CRAMP1: variants seen among roughly 807,000 people sequenced by gnomAD.
CRAMP1 encodes protein cramped-like.
CRAMP1 carries 50 observed loss-of-function variants against 115.4 expected under a neutral mutation model. The ratio of observed to expected loss-of-function variants is 0.43; its 90% CI spans 0.35 to 0.55. CRAMP1 has a LOEUF of 0.55. Ranked by LOEUF, CRAMP1 falls within the 20% of genes least tolerant of loss-of-function variation. The pLI is 0.01. For synonymous variants in CRAMP1, 866 were observed against 745.4 expected (o/e 1.16, Z -2.64); for missense variants, 1,679 against 1,721.7 (o/e 0.98, Z 0.44).
chr16:1,669,166 G>T lies in CRAMP1; in HGVS notation c.3499+1G>T, dbSNP rs2036901407. 6.3e-7 allele frequency: 1 copy of T among 1,596,714 alleles called. No homozygotes were observed. The highest frequency in any genetic ancestry group is 8.5e-7 in the Non-Finnish European group (1 of 1,170,946). On this transcript the variant is annotated splice_donor_variant, in intron 19 of 20. Transcript: ENST00000397412. LOFTEE classifies it high-confidence loss of function. The surrounding 1 kb of genome is among the most constrained non-coding windows in gnomAD (Gnocchi z 4.6). Reference sequence around the variant, plus strand: ...GACTCCTCGCTCAGCAGCCTGTTTGGTGAGTGTATGGGGAGGGCTCCCATC... The same window carrying T: ...GACTCCTCGCTCAGCAGCCTGTTTGTTGAGTGTATGGGGAGGGCTCCCATC...
At chr16:1,651,664 C>A (rs2036724480) in intron 6 of CRAMP1, among the ~76,000 whole-genome samples, 1 of 139,694 alleles carries the variant, frequency 7.2e-6, no homozygotes, top group African/African-American at 2.7e-5. Context: ...ACAGAGGTAA[C>A]CTAGAGGTGG....
chr16:1,656,335 C>G lies in CRAMP1; in HGVS notation c.1578C>G (p.Thr526=), dbSNP rs948995216. The G allele has an allele frequency of 2.5e-6, 4 of 1,609,748 alleles. No homozygotes were observed. The highest frequency in any genetic ancestry group is 2.7e-5 in the African/African-American group (2 of 74,848). Residue 526 remains threonine (T), a synonymous_variant, in exon 10 of 21, where the codon ACC becomes ACG. Transcript: ENST00000397412. This position sits in a 1 kb window ranked among gnomAD's most constrained non-coding sequence, Gnocchi z 5.6. The part of the protein sequence containing the change: ...HQDTGPCLEK[T]PAEGRDSPTR... ...ACACTGGGCCATGTCTTGAGAAGAC[C>G]CCTGCAGAAGGCAGGGACAGTCCCA...
rs965095609 is a variant in CRAMP1 at position 1,674,121 on chromosome 16, G to T, written c.*76G>T. 1.4e-6 allele frequency: 2 copies of T among 1,447,504 alleles called. No individual in the cohort carries two copies. The highest frequency in any genetic ancestry group is 2.8e-5 in the African/African-American group (2 of 71,022). The allele number at this position is 1,447,504 out of a possible 1,614,324, so 89.7% of individuals were successfully genotyped here. On this transcript the variant is annotated 3_prime_UTR_variant, in exon 21 of 21. Coordinates refer to ENST00000397412, the MANE Select transcript of CRAMP1 (RefSeq NM_020825.4). Reference sequence around the variant, plus strand: ...ATAAGCCCAGCAGCCCCAGAAGATGGTCTGAACAGAGGCATCTCCGCACCC... The same window carrying T: ...ATAAGCCCAGCAGCCCCAGAAGATGTTCTGAACAGAGGCATCTCCGCACCC...
chr16:1,653,916 T>C (rs1455980316), intron 8 of CRAMP1, among the ~76,000 whole-genome samples: 2 of 150,198 alleles, frequency 1.3e-5, no homozygotes, highest in Non-Finnish European at 1.5e-5. Flanking sequence ...CCAAGGCAGG[T>C]GGATCACGAG....
At chr16:1,667,731 G>A (rs1338405116) in intron 17 of CRAMP1, among the ~76,000 whole-genome samples, 1 of 152,214 alleles carries the variant, frequency 6.6e-6, no homozygotes, top group Non-Finnish European at 1.5e-5. Context: ...TCTGGCAGCA[G>A]TCAAAGCAGG....
intron 11 of CRAMP1, among the ~76,000 whole-genome samples, 163 bp downstream of exon 11, chr16:1,660,226 C>T (rs1347692814): frequency 6.6e-6 from 1 of 152,210 alleles, no homozygotes; most frequent in Non-Finnish European, 1.5e-5. Flanking sequence ...GAATCACTGC[C>T]TCCTCATGGG....
rs780318934 is a variant in CRAMP1 at position 1,656,215 on chromosome 16, C to T, written c.1458C>T (p.Ser486=). 1.4e-5 allele frequency: 23 copies of T among 1,606,264 alleles called. No homozygotes were observed. Among genetic ancestry groups the T allele is most frequent in the South Asian group, 4.4e-5 (4 of 90,776 alleles). The change falls in exon 10 of 21, where the codon TCC becomes TCT. Residue 486 remains serine, a synonymous_variant. Transcript: ENST00000397412. This position sits in a 1 kb window ranked among gnomAD's most constrained non-coding sequence, Gnocchi z 5.6. ...PPPAADALQS[S]GESSPESAPG... The stretch of plus-strand genomic sequence containing the variant: ...CTGCGGCTGACGCCTTGCAGAGCTC[C>T]GGAGAGAGTTCCCCCGAAAGCGCCC...
chr16:1,630,382 G>A (rs1460883082), intron 3 of CRAMP1, among the ~76,000 whole-genome samples: 1 of 152,060 alleles, frequency 6.6e-6, no homozygotes, highest in Admixed American at 6.5e-5. Context: ...AAACTCCTGG[G>A]CTCAAGCAAT....
In CRAMP1 at chr16:1,614,847, TC is replaced by T; in HGVS notation, c.212del (p.Pro71ArgfsTer76). On this transcript the variant is annotated frameshift_variant, in exon 2 of 21. Coordinates refer to ENST00000397412, the MANE Select transcript of CRAMP1 (RefSeq NM_020825.4). LOFTEE classifies it high-confidence loss of function. This position sits in a 1 kb window ranked among gnomAD's most constrained non-coding sequence, Gnocchi z 4.4. ...GCCCCCCGGCGCGCCGCAGGCGCCG[TC>T]CCCGCCGCAGGGCAGCCCCCAGGAC... is the stretch of plus-strand genomic sequence containing the variant. ...PAPPGAPQAP[S>X]PPQGSPQDQH... The T allele has an allele frequency of 1.6e-6, 2 of 1,283,814 alleles. No homozygotes were observed. The highest frequency in any genetic ancestry group is 6.3e-5 in the South Asian group (2 of 31,914). 79.5% of individuals were successfully genotyped at this position (1,283,814 alleles called of 1,614,324 possible).
At position 1,612,664 on chromosome 16, in the gene CRAMP1, A is replaced by G. The variant is rs923601234; in HGVS notation, c.-2+7A>G. On this transcript the variant is annotated splice_region_variant and intron_variant, in intron 1 of 20. Coordinates refer to ENST00000397412, the MANE Select transcript of CRAMP1 (RefSeq NM_020825.4). Reference sequence around the variant, plus strand: ...CCCGGCGTTGATGAAAAAGGTGACCAAGGCTGGGCGGCGGGGCTGTCATGG... The same window carrying G: ...CCCGGCGTTGATGAAAAAGGTGACCGAGGCTGGGCGGCGGGGCTGTCATGG... 2.6e-5 allele frequency among the ~76,000 whole-genome samples: 4 copies of G among 151,544 alleles called. No homozygotes were observed. The highest frequency in any genetic ancestry group is 9.7e-5 in the African/African-American group (4 of 41,216).
At chr16:1,641,778 C>T (rs2036634251) in intron 6 of CRAMP1, among the ~76,000 whole-genome samples, 1 of 152,168 alleles carries the variant, frequency 6.6e-6, no homozygotes, top group African/African-American at 2.4e-5. Context: ...CCCTACTCCA[C>T]AGCCTGGGGG....
At chr16:1,654,815 C>T (rs563280871) in intron 8 of CRAMP1, among the ~76,000 whole-genome samples, 2 of 152,360 alleles carry the variant, frequency 1.3e-5, no homozygotes, top group South Asian at 2.1e-4. Flanking sequence ...CCCATCATAG[C>T]GCATCAGTAC....
At chr16:1,626,742 T>C (rs1440538181) in intron 3 of CRAMP1, among the ~76,000 whole-genome samples, 1 of 152,244 alleles carries the variant, frequency 6.6e-6, no homozygotes, top group Non-Finnish European at 1.5e-5. Context: ...ATTGTGAGCA[T>C]ACTTTTTAAT....
chr16:1,625,583 A>C (rs2036501459), intron 2 of CRAMP1: 1 of 161,440 alleles, frequency 6.2e-6, no homozygotes, highest in Non-Finnish European at 1.4e-5. Flanking sequence ...AGATGTTAAG[A>C]ATATTTAACC....
chr16:1,614,703 G>C lies in CRAMP1; in HGVS notation c.64G>C (p.Ala22Pro). The C allele has an allele frequency of 7.5e-7, 1 of 1,337,370 alleles. No homozygotes were observed. The highest frequency in any genetic ancestry group is 9.6e-7 in the Non-Finnish European group (1 of 1,036,396). 82.8% of individuals were successfully genotyped at this position (1,337,370 alleles called of 1,614,324 possible). ...EDGLKKLGKR[A>P]ADEESLEGEG... is the part of the protein sequence containing the mutation. Reference sequence around the variant, plus strand: ...CGGGCTCAAGAAGCTGGGCAAGCGGGCGGCCGATGAGGAGTCCCTGGAAGG... The same window carrying C: ...CGGGCTCAAGAAGCTGGGCAAGCGGCCGGCCGATGAGGAGTCCCTGGAAGG... Residue 22 changes from alanine (A) to proline (P), a missense_variant, in exon 2 of 21, where the codon GCG (alanine) becomes CCG (proline). Physicochemically the swap from Ala to Pro is conservative, Grantham distance 27 (BLOSUM62 -1). Coordinates refer to ENST00000397412, the MANE Select transcript of CRAMP1 (RefSeq NM_020825.4). This position sits in a 1 kb window ranked among gnomAD's most constrained non-coding sequence, Gnocchi z 4.4.
chr16:1,634,858 C>T (rs557843122), intron 4 of CRAMP1, among the ~76,000 whole-genome samples: 1 of 152,270 alleles, frequency 6.6e-6, no homozygotes, highest in East Asian at 1.9e-4. Context: ...AGAGTGGCAA[C>T]TTTTTCACGT....
Position 1,656,336 on chromosome 16 carries a change from C to G in CRAMP1, c.1579C>G (p.Pro527Ala), listed in dbSNP as rs774753825. The stretch of plus-strand genomic sequence containing the variant: ...CACTGGGCCATGTCTTGAGAAGACC[C>G]CTGCAGAAGGCAGGGACAGTCCCAC... ...QDTGPCLEKTPAEGRDSPTRE... is the reference protein window; with the variant it reads ...QDTGPCLEKTAAEGRDSPTRE... Residue 527 changes from proline (P) to alanine (A), a missense_variant, in exon 10 of 21, where the codon CCT (proline) becomes GCT (alanine). By Grantham distance (27) the Pro-to-Ala change is conservative. This residue lies in a region of CRAMP1 where 405 missense variants were observed against 302.6 expected (regional missense o/e 1.34). Coordinates refer to ENST00000397412, the MANE Select transcript of CRAMP1 (RefSeq NM_020825.4). This position sits in a 1 kb window ranked among gnomAD's most constrained non-coding sequence, Gnocchi z 5.6. 6.2e-7 allele frequency: 1 copy of G among 1,609,586 alleles called. No homozygotes were observed. The highest frequency in any genetic ancestry group is 1.3e-5 in the African/African-American group (1 of 74,844).
Position 1,677,038 on chromosome 16 carries a change from G to A in CRAMP1, c.*2993G>A, listed in dbSNP as rs2036975220. On this transcript the variant is annotated 3_prime_UTR_variant, in exon 21 of 21. Coordinates refer to ENST00000397412, the MANE Select transcript of CRAMP1 (RefSeq NM_020825.4). ...AAATTTCTTCTGCAAAGAAAGTTGT[G>A]GGGCATAAGACACCGGGAATGAGGG... The A allele has an allele frequency of 6.6e-6, 1 of 152,366 alleles. No homozygotes were observed. The highest frequency in any genetic ancestry group is 1.5e-5 in the Non-Finnish European group (1 of 68,046). The allele number at this position is 152,366 out of a possible 1,614,324, so 9.4% of individuals were successfully genotyped here.
intron 16 of CRAMP1, among the ~76,000 whole-genome samples, chr16:1,667,084 G>A (rs777879063): frequency 1.8e-4 from 28 of 152,210 alleles, no homozygotes; most frequent in Non-Finnish European, 4.1e-4. Flanking sequence ...AGCCCTGCCT[G>A]CCACAAGGTT....
Sources: allele counts gnomAD v4.1 joint callset (sites outside exome capture counted in the v4.1 genomes callset), GRCh38; gene constraint gnomAD v4.1.1; regional missense constraint gnomAD v4.1.1; non-coding constraint Gnocchi (gnomAD v3.1); transcripts MANE v1.5; gene names NCBI Gene and HGNC (gene_info 2026-07-23, HGNC 2026-07-21).